Variants in AP1M1 observed in about 807,000 individuals in gnomAD.
AP1M1 encodes AP-1 complex subunit mu-1.
A neutral mutation model predicts 57.1 loss-of-function variants in AP1M1; 18 were observed. That is an observed-to-expected ratio of 0.32 (90% CI 0.22 to 0.47). AP1M1 has a LOEUF of 0.47. AP1M1 is among the 20% of genes least tolerant of loss of function. The pLI, the probability that AP1M1 is intolerant of heterozygous loss-of-function variation, is 1.00. For missense variants in AP1M1, 362 were observed against 593.5 expected (o/e 0.61, Z 4.05); for synonymous variants, 241 against 237.9 (o/e 1.01, Z -0.12).
In AP1M1 at chr19:16,227,215, T is replaced by C. The variant is rs2091575063; in HGVS notation, c.674-333T>C. Among the ~76,000 whole-genome samples, 1 of 152,134 alleles carries C rather than the reference T, an allele frequency of 6.6e-6. No individual in the cohort carries two copies. Among genetic ancestry groups the C allele is most frequent in the Non-Finnish European group, 1.5e-5 (1 of 67,988 alleles). On this transcript the variant is annotated intron_variant, in intron 6 of 11. Transcript: ENST00000291439. This position sits in a 1 kb window ranked among gnomAD's most constrained non-coding sequence, Gnocchi z 6.2. ...CCCGTGGATGCCAGGGCCTGAGCCC[T>C]TGGGGAGCCCCGAGCCATCCCCCAG...
intron 10 of AP1M1, chr19:16,233,929 GC>G: frequency 1.8e-6 from 1 of 554,794 alleles, no homozygotes; most frequent in Non-Finnish European, 3.1e-6. Context: ...CTCCCAGAGA[GC>G]CAGGGGCCTT....
At chr19:16,218,046 A>G in intron 5 of AP1M1, among the ~76,000 whole-genome samples, 1 of 152,204 alleles carries the variant, frequency 6.6e-6, no homozygotes, top group Admixed American at 6.5e-5. Context: ...ACAACCTAGA[A>G]GCTACCACCC....
intron 2 of AP1M1, among the ~76,000 whole-genome samples, chr19:16,204,239 C>T (rs1037029351): frequency 2.6e-5 from 4 of 152,018 alleles, no homozygotes; most frequent in Non-Finnish European, 2.9e-5. Context: ...GGTACAGCCC[C>T]GCCCAGATCT....
At chr19:16,215,868 C>T (rs562811160) in intron 5 of AP1M1, among the ~76,000 whole-genome samples, 30 of 152,140 alleles carry the variant, frequency 2.0e-4, no homozygotes, top group African/African-American at 4.8e-4. Flanking sequence ...CATTCCTTTT[C>T]GTTATTTTTT....
chr19:16,205,775 A>G (rs554562740), intron 2 of AP1M1, among the ~76,000 whole-genome samples: 1 of 152,318 alleles, frequency 6.6e-6, no homozygotes, highest in South Asian at 2.1e-4. Context: ...CATCTCACCT[A>G]CATTGCCTTG....
Position 16,206,275 on chromosome 19 carries a change from T to G in AP1M1, c.200-66T>G. The G allele has an allele frequency of 6.4e-7, 1 of 1,555,488 alleles. No homozygotes were observed. The highest frequency in any genetic ancestry group is 8.9e-7 in the Non-Finnish European group (1 of 1,128,324). ...TTGTGAGGGTTAGGGGGTCCCTCCA[T>G]GAACCAGGATCTTCCAGGCAGCAGC... On this transcript the variant is annotated intron_variant, in intron 2 of 11. Transcript: ENST00000291439. The surrounding 1 kb of genome is among the most constrained non-coding windows in gnomAD (Gnocchi z 4.3).
intron 9 of AP1M1, among the ~76,000 whole-genome samples, chr19:16,230,966 A>G (rs1168340638): frequency 6.6e-6 from 1 of 152,134 alleles, no homozygotes; most frequent in Non-Finnish European, 1.5e-5. Context: ...CCCTAAGGAC[A>G]AAAGGAACTG....
In AP1M1 at chr19:16,203,684, G is replaced by A. The variant is rs2091458382; in HGVS notation, c.199+69G>A. The A allele has an allele frequency of 7.4e-6, 11 of 1,482,916 alleles. No individual in the cohort carries two copies. Among genetic ancestry groups the A allele is most frequent in the South Asian group, 5.2e-5 (4 of 77,296 alleles). The allele number at this position is 1,482,916 out of a possible 1,614,324, so 91.9% of individuals were successfully genotyped here. ...TGTTGGTGTGTGTGCATATCCACAC[G>A]CCTGCAAGCAGGGCTGGTTTGTGCA... On this transcript the variant is annotated intron_variant, in intron 2 of 11. Transcript: ENST00000291439. This position sits in a 1 kb window ranked among gnomAD's most constrained non-coding sequence, Gnocchi z 4.6.
intron 1 of AP1M1, among the ~76,000 whole-genome samples, chr19:16,199,741 C>T (rs537089387): frequency 2.0e-5 from 3 of 152,308 alleles, no homozygotes; most frequent in East Asian, 1.9e-4. Flanking sequence ...TCTTAGAGCA[C>T]GCCAGGGGCT....
Position 16,206,139 on chromosome 19 carries a change from C to A in AP1M1, c.200-202C>A, listed in dbSNP as rs183157816. ...GTGAGTGCTCCCTGGGGCCTGGGAG[C>A]GCATCTGGCTGGTGACTCCTGTGTC... On this transcript the variant is annotated intron_variant, in intron 2 of 11. Coordinates refer to ENST00000291439, the MANE Select transcript of AP1M1 (RefSeq NM_032493.4). The surrounding 1 kb of genome is among the most constrained non-coding windows in gnomAD (Gnocchi z 4.3). Among the ~76,000 whole-genome samples the A allele has an allele frequency of 6.6e-6, 1 of 152,102 alleles. No individual in the cohort carries two copies. Among genetic ancestry groups the A allele is most frequent in the African/African-American group, 2.4e-5 (1 of 41,404 alleles).
At chr19:16,220,831 C>T (rs1244888602) in intron 5 of AP1M1, among the ~76,000 whole-genome samples, 2 of 152,164 alleles carry the variant, frequency 1.3e-5, no homozygotes, top group East Asian at 1.9e-4. Flanking sequence ...TCTGAATTGA[C>T]GGTTTTTGTT....
In AP1M1 at chr19:16,241,991, C is replaced by CA. The variant is rs902515752; in HGVS notation, c.*7567dup. ...CTGGGCAATGAGCGAAACTCCATCT[C>CA]AAAAAAAAAAAGAAAGAAAAAGAAA... On this transcript the variant is annotated 3_prime_UTR_variant, in exon 12 of 12. Coordinates refer to ENST00000291439, the MANE Select transcript of AP1M1 (RefSeq NM_032493.4). 227 of 134,062 alleles carry CA rather than the reference C, an allele frequency of 1.7e-3. 1 individual carries two copies. The highest frequency in any genetic ancestry group is 0.012 in the Middle Eastern group (3 of 252). The allele number at this position is 134,062 out of a possible 1,614,324, so 8.3% of individuals were successfully genotyped here. A position where few individuals can be genotyped will look rare whatever the true frequency, so the allele number is the denominator to read the frequency against.
At chr19:16,232,125 G>C (rs2091601426) in intron 9 of AP1M1, among the ~76,000 whole-genome samples, 1 of 152,208 alleles carries the variant, frequency 6.6e-6, no homozygotes, top group African/African-American at 2.4e-5. Flanking sequence ...GTGGCTTATG[G>C]GACGGCAGCC....
intron 4 of AP1M1, 153 bp downstream of exon 4, chr19:16,208,302 T>C (rs773622314): frequency 5.4e-5 from 44 of 810,406 alleles, no homozygotes; most frequent in Non-Finnish European, 1.5e-5. Context: ...ACTAAGTTGC[T>C]CTTAGTGGTT....
chr19:16,215,034 C>A (rs1223595041), intron 5 of AP1M1, among the ~76,000 whole-genome samples: 1 of 151,632 alleles, frequency 6.6e-6, no homozygotes, highest in Non-Finnish European at 1.5e-5. Context: ...CAGGTTGAGC[C>A]ACCACACCCA....
intron 10 of AP1M1, chr19:16,233,981 C>T (rs1437768869): frequency 3.4e-6 from 2 of 583,610 alleles, no homozygotes; most frequent in East Asian, 2.9e-5. Context: ...GCCGTGTCTG[C>T]AAGCCACATC....
chr19:16,213,083 G>A (rs1056099844), intron 5 of AP1M1, among the ~76,000 whole-genome samples: 1 of 152,144 alleles, frequency 6.6e-6, no homozygotes, highest in Non-Finnish European at 1.5e-5. Flanking sequence ...TGGGTGGAGA[G>A]TTCTGTAGAT....
At chr19:16,205,139 G>T (rs1276398712) in intron 2 of AP1M1, among the ~76,000 whole-genome samples, 1 of 152,122 alleles carries the variant, frequency 6.6e-6, no homozygotes, top group Non-Finnish European at 1.5e-5. Flanking sequence ...GGCCTAGGTG[G>T]CTTTTAACCC....
chr19:16,226,662 T>C, intron 6 of AP1M1, 115 bp downstream of exon 6: 3 of 1,333,886 alleles, frequency 2.2e-6, no homozygotes, highest in Non-Finnish European at 3.0e-6. Context: ...AAGCACTTGG[T>C]TGAGCAGCAC....
Sources: allele counts gnomAD v4.1 joint callset (sites outside exome capture counted in the v4.1 genomes callset), GRCh38; gene constraint gnomAD v4.1.1; non-coding constraint Gnocchi (gnomAD v3.1); transcripts MANE v1.5; gene names NCBI Gene and HGNC (gene_info 2026-07-23, HGNC 2026-07-21).